HECTD4: variants seen among roughly 807,000 people sequenced by gnomAD.
HECTD4 encodes the protein probable E3 ubiquitin-protein ligase HECTD4.
In HECTD4, 114 loss-of-function variants were observed where a neutral mutation model predicts 471.5. That is an observed-to-expected ratio of 0.24 (90% CI 0.21 to 0.28). The LOEUF is 0.28. HECTD4 is among the 10% of genes least tolerant of loss of function. HECTD4 has a pLI of 1.00. For synonymous variants in HECTD4, 2,012 were observed against 2,256.0 expected, an observed-to-expected ratio of 0.89 and a Z score of 3.07; for missense variants, 3,866 against 5,651.5, an observed-to-expected ratio of 0.68 and a Z score of 10.13.
chr12:112,308,936 A>G (rs1299383951), intron 5 of HECTD4, 45 bp from the exon 6 acceptor site: 27 of 1,519,144 alleles, frequency 1.8e-5, no homozygotes, highest in Non-Finnish European at 2.3e-5. Flanking sequence ...TGGCTATGTC[A>G]GAAACCCCAC....
rs760826977 is a variant in HECTD4 at position 112,201,120 on chromosome 12, G to A, written c.8407-322C>T. The A allele has an allele frequency of 6.8e-5, 31 of 455,414 alleles. 1 individual carries two copies. Among genetic ancestry groups the A allele is most frequent in the South Asian group, 4.9e-4 (31 of 63,588 alleles). 28.2% of individuals were successfully genotyped at this position (455,414 alleles called of 1,614,324 possible). On this transcript the variant is annotated intron_variant, in intron 54 of 75. Transcript: ENST00000682272. ...CTTATTTTATTTTTTTTGAGATGGA[G>A]TCTCACCGTGTCATCCAAGCTGGAG...
intron 7 of HECTD4, among the ~76,000 whole-genome samples, chr12:112,299,117 T>C (rs1434083250): frequency 6.6e-6 from 1 of 152,102 alleles, no homozygotes; most frequent in African/African-American, 2.4e-5. Context: ...AAGAGAATAG[T>C]ACAATGAGCC....
chr12:112,268,891 T>C (rs2034346837), intron 13 of HECTD4, among the ~76,000 whole-genome samples: 3 of 131,624 alleles, frequency 2.3e-5, no homozygotes, highest in East Asian at 4.0e-4. Flanking sequence ...TTTTTTTTTT[T>C]TGAGGCGGAG....
chr12:112,304,348 C>T (rs891953854), intron 7 of HECTD4, among the ~76,000 whole-genome samples: 1 of 149,934 alleles, frequency 6.7e-6, no homozygotes, highest in Non-Finnish European at 1.5e-5. Flanking sequence ...TTCTGGTCGA[C>T]CTTCCAGGCT....
At chr12:112,171,997 G>A (rs1236852271) in intron 67 of HECTD4, among the ~76,000 whole-genome samples, 2 of 152,110 alleles carry the variant, frequency 1.3e-5, no homozygotes, top group African/African-American at 4.8e-5. Context: ...TCCACCTCCC[G>A]GGTTCAAGCG....
chr12:112,378,887 C>T (rs1036835080), intron 1 of HECTD4, among the ~76,000 whole-genome samples: 11 of 151,998 alleles, frequency 7.2e-5, no homozygotes, highest in African/African-American at 2.7e-4. Context: ...ACTAAAAATA[C>T]AAAAATTAGC....
intron 7 of HECTD4, among the ~76,000 whole-genome samples, chr12:112,286,279 C>T (rs578231982): frequency 6.6e-6 from 1 of 152,362 alleles, no homozygotes; most frequent in Admixed American, 6.5e-5. Flanking sequence ...TCCAAGTCCA[C>T]ATCATCTCAA....
chr12:112,194,605 CT>C lies in HECTD4; in HGVS notation c.8749+279del, dbSNP rs1287228869. 6.6e-6 allele frequency among the ~76,000 whole-genome samples: 1 copy of C among 152,226 alleles called. No individual in the cohort carries two copies. The highest frequency in any genetic ancestry group is 1.5e-5 in the Non-Finnish European group (1 of 68,042). On this transcript the variant is annotated intron_variant, in intron 56 of 75. Coordinates refer to ENST00000682272, the MANE Select transcript of HECTD4 (RefSeq NM_001388303.1). This position sits in a 1 kb window ranked among gnomAD's most constrained non-coding sequence, Gnocchi z 4.6. The stretch of plus-strand genomic sequence containing the variant: ...AATGTCTGTGGCAACAATACAGTGA[CT>C]TGGTTTCATAAGTAATACTTAATTT...
intron 1 of HECTD4, among the ~76,000 whole-genome samples, chr12:112,345,003 C>CA (rs2036122568): frequency 6.6e-6 from 1 of 151,918 alleles, no homozygotes; most frequent in Non-Finnish European, 1.5e-5. Flanking sequence ...ATGCCTGTCC[C>CA]AGCACTTTGG....
chr12:112,190,798 C>G lies in HECTD4; in HGVS notation c.9460G>C (p.Val3154Leu). 1 of 1,583,606 alleles carries G rather than the reference C, an allele frequency of 6.3e-7. No homozygotes were observed. Among genetic ancestry groups the G allele is most frequent in the East Asian group, 2.3e-5 (1 of 43,238 alleles). ...AAGGCAGCCTCACCTAGCAGCTCCA[C>G]CACCTGCAGGAGGACGGATGTCGGA... ...TIPTSVLLQV[V>L]ELLGNFLWTT... Residue 3154 changes from valine to leucine, a missense_variant, in exon 60 of 76, where the codon GTG (valine) becomes CTG (leucine). Physicochemically the swap from Val to Leu is conservative, Grantham distance 32 (BLOSUM62 1). Transcript: ENST00000682272.
At position 112,306,085 on chromosome 12, in the gene HECTD4, G is replaced by A. The variant is rs1484612452; in HGVS notation, c.1314C>T (p.Phe438=). The A allele has an allele frequency of 3.7e-6, 6 of 1,604,374 alleles. No individual in the cohort carries two copies. The highest frequency in any genetic ancestry group is 5.1e-6 in the Non-Finnish European group (6 of 1,177,360). Residue 438 remains phenylalanine, a synonymous_variant, in exon 7 of 76, where the codon TTC becomes TTT. Transcript: ENST00000682272. ...NEKTPKGHSV[F]MDIFELVVEN... ...TTACCACAAGTTCAAAAATGTCCAT[G>A]AAGACAGAATGTCCCTTCGGTGTTT...
At position 112,163,057 on chromosome 12, in the gene HECTD4, G is replaced by C; in HGVS notation, c.13105C>G (p.Pro4369Ala). ...VPPYPMKIAP[P>A]DGTAGSPDSR... ...AGGGCGGTACCTGCTGTGCCATCTG[G>C]GGGGGCGATCTTCATGGGGTACGGG... The change falls in exon 75 of 76, where the codon CCA (proline) becomes GCA (alanine). Residue 4369 changes from proline to alanine, a missense_variant. Coordinates refer to ENST00000682272, the MANE Select transcript of HECTD4 (RefSeq NM_001388303.1). The surrounding 1 kb of genome is among the most constrained non-coding windows in gnomAD (Gnocchi z 8.2). The C allele has an allele frequency of 1.2e-6, 2 of 1,611,476 alleles. No homozygotes were observed. Among genetic ancestry groups the C allele is most frequent in the African/African-American group, 1.3e-5 (1 of 74,980 alleles).
At chr12:112,378,781 C>T (rs924865454) in intron 1 of HECTD4, among the ~76,000 whole-genome samples, 2 of 152,134 alleles carry the variant, frequency 1.3e-5, no homozygotes, top group Non-Finnish European at 2.9e-5. Flanking sequence ...CTGTGGCTCA[C>T]GCCTGTAATC....
At chr12:112,313,921 T>C (rs895935175) in intron 3 of HECTD4, among the ~76,000 whole-genome samples, 1 of 152,230 alleles carries the variant, frequency 6.6e-6, no homozygotes, top group African/African-American at 2.4e-5. Flanking sequence ...GAAGCATATG[T>C]ACCAAAATGT....
At chr12:112,181,810 G>A (rs1051874191) in intron 62 of HECTD4, among the ~76,000 whole-genome samples, 21 of 152,176 alleles carry the variant, frequency 1.4e-4, no homozygotes, top group Non-Finnish European at 4.4e-5. Context: ...TACATGTTTT[G>A]GCTGGGCGCA....
intron 1 of HECTD4, among the ~76,000 whole-genome samples, chr12:112,374,983 T>C (rs1362037): frequency 0.028 from 4,236 of 152,322 alleles, 80 homozygotes; most frequent in Non-Finnish European, 0.045. Flanking sequence ...GACATACATA[T>C]ACAAATGTGA....
chr12:112,378,808 C>G (rs1325705543), intron 1 of HECTD4, among the ~76,000 whole-genome samples: 2 of 152,138 alleles, frequency 1.3e-5, no homozygotes, highest in Non-Finnish European at 2.9e-5. Flanking sequence ...CTTTGGGAGG[C>G]CGAGGCGGGA....
intron 21 of HECTD4, among the ~76,000 whole-genome samples, chr12:112,254,566 A>C (rs890236044): frequency 6.6e-6 from 1 of 152,242 alleles, no homozygotes; most frequent in African/African-American, 2.4e-5. Context: ...CAAAATTAAT[A>C]AAGTGAGCAA....
Position 112,320,470 on chromosome 12 carries a change from C to T in HECTD4, c.178-728G>A, listed in dbSNP as rs144296886. Reference sequence around the variant, plus strand: ...ATCCCAGCACTTTGGAAGGCAGAGGCGGGCAGATCATGAAGTCAGGAGTTC... The same window carrying T: ...ATCCCAGCACTTTGGAAGGCAGAGGTGGGCAGATCATGAAGTCAGGAGTTC... On this transcript the variant is annotated intron_variant, in intron 1 of 75. Coordinates refer to ENST00000682272, the MANE Select transcript of HECTD4 (RefSeq NM_001388303.1). Among the ~76,000 whole-genome samples, 1,436 of 152,090 alleles carry T rather than the reference C, an allele frequency of 9.4e-3. 23 individuals carry two copies. The highest frequency in any genetic ancestry group is 0.033 in the African/African-American group (1,363 of 41,492).
Sources: allele counts gnomAD v4.1 joint callset (sites outside exome capture counted in the v4.1 genomes callset), GRCh38; gene constraint gnomAD v4.1.1; non-coding constraint Gnocchi (gnomAD v3.1); transcripts MANE v1.5; gene names NCBI Gene and HGNC (gene_info 2026-07-23, HGNC 2026-07-21).